The following ZCCHC7 variants were observed in gnomAD, a reference collection of about 807,000 sequenced individuals.
The protein encoded by ZCCHC7 is zinc finger CCHC domain-containing protein 7.
In ZCCHC7, 35 loss-of-function variants were observed where a neutral mutation model predicts 52.0. That is an observed-to-expected ratio of 0.67 (90% CI 0.51 to 0.89). ZCCHC7 has a LOEUF of 0.89. Ranked by LOEUF, ZCCHC7 falls within the 40% of genes least tolerant of loss-of-function variation. ZCCHC7 has a pLI of 0.00. For synonymous variants in ZCCHC7, 217 were observed against 221.5 expected (o/e 0.98, Z 0.18); for missense variants, 574 against 649.1 (o/e 0.88, Z 1.26).
At chr9:37,327,694 A>T (rs554946635) in intron 5 of ZCCHC7, 105 bp from the exon 6 acceptor site, 1 of 1,239,908 alleles carries the variant, frequency 8.1e-7, no homozygotes, top group South Asian at 1.3e-5. Flanking sequence ...TAAGCTTCTT[A>T]TTTTCCTGTG....
At chr9:37,225,294 G>A (rs1825036644) in intron 2 of ZCCHC7, among the ~76,000 whole-genome samples, 1 of 152,146 alleles carries the variant, frequency 6.6e-6, no homozygotes, top group African/African-American at 2.4e-5. Context: ...ATTAAAGAAG[G>A]TGAATTGTTA....
chr9:37,297,704 A>T, intron 2 of ZCCHC7, among the ~76,000 whole-genome samples: 1 of 152,058 alleles, frequency 6.6e-6, no homozygotes, highest in Non-Finnish European at 1.5e-5. Flanking sequence ...CCAACTGGAT[A>T]TGCTGAACTG....
chr9:37,279,105 A>G (rs1827823820), intron 2 of ZCCHC7, among the ~76,000 whole-genome samples: 2 of 152,216 alleles, frequency 1.3e-5, no homozygotes, highest in Non-Finnish European at 2.9e-5. Context: ...GGATGAAGGG[A>G]AATGATATAC....
intron 2 of ZCCHC7, among the ~76,000 whole-genome samples, chr9:37,149,853 C>A (rs1454327214): frequency 1.3e-5 from 2 of 152,124 alleles, no homozygotes; most frequent in Non-Finnish European, 2.9e-5. Context: ...TGAGCAATTA[C>A]AAGCATTTCT....
At chr9:37,200,178 T>G (rs910844417) in intron 2 of ZCCHC7, among the ~76,000 whole-genome samples, 19 of 150,338 alleles carry the variant, frequency 1.3e-4, no homozygotes, top group African/African-American at 4.5e-4. Flanking sequence ...TCCTCTCTCT[T>G]TGTTATCTTT....
intron 2 of ZCCHC7, among the ~76,000 whole-genome samples, chr9:37,199,014 C>T (rs941231269): frequency 1.1e-4 from 17 of 152,152 alleles, no homozygotes; most frequent in African/African-American, 4.1e-4. Context: ...GCCTTCTACC[C>T]ACTGAGCTCC....
At chr9:37,351,364 G>T (rs757534906) in intron 7 of ZCCHC7, among the ~76,000 whole-genome samples, 3 of 152,054 alleles carry the variant, frequency 2.0e-5, no homozygotes, top group Non-Finnish European at 2.9e-5. Flanking sequence ...GAGTGCAGTG[G>T]GCACTATCTC....
At chr9:37,214,000 GTA>G (rs1242270782) in intron 2 of ZCCHC7, among the ~76,000 whole-genome samples, 5 of 151,840 alleles carry the variant, frequency 3.3e-5, no homozygotes, top group South Asian at 2.1e-4. Flanking sequence ...TCAATGGTGT[GTA>G]TGTGTGTGTG....
In ZCCHC7 at chr9:37,354,867, T is replaced by C; in HGVS notation, c.1198+43T>C. The C allele has an allele frequency of 1.5e-6, 2 of 1,355,522 alleles. No individual in the cohort carries two copies. Among genetic ancestry groups the C allele is most frequent in the Non-Finnish European group, 2.1e-6 (2 of 965,418 alleles). 84.0% of individuals were successfully genotyped at this position (1,355,522 alleles called of 1,614,324 possible). A position where few individuals can be genotyped will look rare whatever the true frequency, so the allele number is the denominator to read the frequency against. On this transcript the variant is annotated intron_variant, in intron 8 of 8. Transcript: ENST00000336755. The surrounding 1 kb of genome is among the most constrained non-coding windows in gnomAD (Gnocchi z 4.0). Reference sequence around the variant, plus strand: ...TTGTTAGATCACATTTGCAGTAGTTTCTAAATTTCTTTGTTTGTACTGTCT... The same window carrying C: ...TTGTTAGATCACATTTGCAGTAGTTCCTAAATTTCTTTGTTTGTACTGTCT...
chr9:37,273,884 T>C (rs1827554906), intron 2 of ZCCHC7, among the ~76,000 whole-genome samples: 1 of 152,234 alleles, frequency 6.6e-6, no homozygotes, highest in African/African-American at 2.4e-5. Context: ...ATGAACACTT[T>C]GTTGGTCATA....
intron 2 of ZCCHC7, among the ~76,000 whole-genome samples, chr9:37,264,730 G>C (rs369826932): frequency 7.9e-5 from 12 of 152,256 alleles, no homozygotes; most frequent in African/African-American, 2.9e-4. Context: ...ATTACAAGCA[G>C]TAACCAGATC....
At chr9:37,256,264 T>C (rs1036532451) in intron 2 of ZCCHC7, among the ~76,000 whole-genome samples, 3 of 152,164 alleles carry the variant, frequency 2.0e-5, no homozygotes, top group African/African-American at 7.2e-5. Context: ...TTTCTTTATA[T>C]ACTAGCCAAC....
Position 37,316,917 on chromosome 9 carries a change from A to G in ZCCHC7, c.952-10882A>G, listed in dbSNP as rs575682597. ...AATAGAAAAAAAATTGCAGGCATAT[A>G]TAAAGAATTGGTAGATCAAAAAAAA... On this transcript the variant is annotated intron_variant, in intron 5 of 8. Transcript: ENST00000336755. Among the ~76,000 whole-genome samples the G allele has an allele frequency of 2.0e-5, 3 of 151,090 alleles. No individual in the cohort carries two copies. In the East Asian group the frequency reaches 5.8e-4, roughly 29 times the overall value.
At position 37,143,209 on chromosome 9, in the gene ZCCHC7, T is replaced by C. The variant is rs550109470; in HGVS notation, c.610+16267T>C. 1.6e-3 allele frequency among the ~76,000 whole-genome samples: 250 copies of C among 151,972 alleles called. 1 individual carries two copies. Among genetic ancestry groups the C allele is most frequent in the Non-Finnish European group, 3.0e-3 (202 of 67,766 alleles). On this transcript the variant is annotated intron_variant, in intron 2 of 8. Transcript: ENST00000336755. ...TTGTTCTTCCTCTTCCTTTTTTCTT[T>C]TGGCAGTGGGTGGAAGATTCTTTTA...
intron 6 of ZCCHC7, among the ~76,000 whole-genome samples, chr9:37,344,101 C>T (rs1820804647): frequency 6.6e-6 from 1 of 152,048 alleles, no homozygotes; most frequent in Non-Finnish European, 1.5e-5. Flanking sequence ...TTGCTTGAGC[C>T]CAGGAGTTCG....
chr9:37,157,492 A>T (rs947973499), intron 2 of ZCCHC7, among the ~76,000 whole-genome samples: 3 of 151,940 alleles, frequency 2.0e-5, no homozygotes, highest in African/African-American at 7.2e-5. Flanking sequence ...ACCTTGTCTC[A>T]AAAAAAAGAA....
chr9:37,346,015 T>A (rs1820945662), intron 6 of ZCCHC7, among the ~76,000 whole-genome samples: 1 of 152,146 alleles, frequency 6.6e-6, no homozygotes, highest in Non-Finnish European at 1.5e-5. Context: ...TGGGTTTTGT[T>A]TTTTGCGACA....
At chr9:37,306,888 A>G (rs1175269959) in intron 5 of ZCCHC7, among the ~76,000 whole-genome samples, 1 of 139,790 alleles carries the variant, frequency 7.2e-6, no homozygotes, top group Admixed American at 7.7e-5. Flanking sequence ...CCCAGGTTCA[A>G]GTGATTCTCC....
chr9:37,245,855 T>G (rs1426015475), intron 2 of ZCCHC7, among the ~76,000 whole-genome samples: 1 of 152,048 alleles, frequency 6.6e-6, no homozygotes, highest in Non-Finnish European at 1.5e-5. Flanking sequence ...CCTATTGCTA[T>G]TGCTTAAGAG....
Sources: allele counts gnomAD v4.1 joint callset (sites outside exome capture counted in the v4.1 genomes callset), GRCh38; gene constraint gnomAD v4.1.1; non-coding constraint Gnocchi (gnomAD v3.1); transcripts MANE v1.5; gene names NCBI Gene and HGNC (gene_info 2026-07-23, HGNC 2026-07-21).